Variants in DUS4L observed in about 807,000 individuals in gnomAD.
DUS4L encodes dihydrouridine synthase 4 like, also known as tRNA-dihydrouridine(20a/20b) synthase [NAD(P)+]-like.
In DUS4L, 31 loss-of-function variants were observed where a neutral mutation model predicts 33.8. That is an observed-to-expected ratio of 0.92 (90% CI 0.69 to 1.24). The LOEUF is 1.24. DUS4L is among the 50% of genes most tolerant of loss of function. DUS4L has a pLI of 0.00. For missense variants in DUS4L, 368 were observed against 388.6 expected (o/e 0.95, Z 0.45); for synonymous variants, 103 against 120.3 (o/e 0.86, Z 0.94).
intron 2 of DUS4L, among the ~76,000 whole-genome samples, chr7:107,565,125 T>C (rs1804506972): frequency 1.3e-5 from 2 of 152,200 alleles, no homozygotes; most frequent in South Asian, 4.1e-4. Context: ...TTAGGAATTG[T>C]TTTTCCTTCC....
intron 3 of DUS4L, 79 bp from the exon 4 acceptor site, chr7:107,571,066 T>G: frequency 6.3e-7 from 1 of 1,581,242 alleles, no homozygotes; most frequent in Non-Finnish European, 8.6e-7. Flanking sequence ...TAGAACTTTC[T>G]CTGATAAATA....
rs1280571223 is a variant in DUS4L, at chr7:107,571,221, GT to G, written c.194del (p.Val65AlafsTer4). ...ACCAATGATTGTTGCCGCTGATTTT[GT>G]CAAATCTATAAAAGCCAGAGACAGC... The part of the protein sequence containing the change: ...YTPMIVAADF[V>X]KSIKARDSEF... On this transcript the variant is annotated frameshift_variant, in exon 4 of 8. Transcript: ENST00000265720. LOFTEE classifies it high-confidence loss of function. 2 of 1,612,154 alleles carry G rather than the reference GT, an allele frequency of 1.2e-6. No individual in the cohort carries two copies. The highest frequency in any genetic ancestry group is 2.7e-5 in the African/African-American group (2 of 74,780).
intron 7 of DUS4L, chr7:107,577,049 C>T: frequency 2.0e-5 from 8 of 397,188 alleles, no homozygotes; most frequent in South Asian, 4.6e-5. Flanking sequence ...CCAGATTTAC[C>T]CTAAAGAAAA....
intron 3 of DUS4L, chr7:107,569,974 C>T (rs914536432): frequency 9.2e-5 from 14 of 152,228 alleles, no homozygotes; most frequent in South Asian, 4.1e-4. Flanking sequence ...GACTTCCTTA[C>T]CTTGTTCCTA....
chr7:107,567,656 T>C (rs1444031575), intron 3 of DUS4L: 1 of 305,160 alleles, frequency 3.3e-6, no homozygotes, highest in Non-Finnish European at 6.5e-6. Flanking sequence ...ATACGTAACA[T>C]AAAATTTACC....
rs531363542 is a variant in DUS4L at position 107,575,485 on chromosome 7, A to G, written c.479+175A>G. On this transcript the variant is annotated intron_variant, in intron 6 of 7. Coordinates refer to ENST00000265720, the MANE Select transcript of DUS4L (RefSeq NM_181581.3). ...AGAATATATACCATAATTTTCATTT[A>G]TAGTCCTGAAAAACTTCCTCTTTGT... 400 of 631,110 alleles carry G rather than the reference A, an allele frequency of 6.3e-4. 6 individuals carry two copies. The South Asian group carries it at 0.013, about 20-fold the overall frequency. The allele number at this position is 631,110 out of a possible 1,614,324, so 39.1% of individuals were successfully genotyped here. A position where few individuals can be genotyped will look rare whatever the true frequency, so the allele number is the denominator to read the frequency against.
At chr7:107,571,976 T>C (rs759248233) in intron 4 of DUS4L, among the ~76,000 whole-genome samples, 1 of 152,172 alleles carries the variant, frequency 6.6e-6, no homozygotes, top group Non-Finnish European at 1.5e-5. Context: ...AACTGTAGTT[T>C]ATGTTTCGTC....
chr7:107,577,138 CA>C lies in DUS4L; in HGVS notation c.707-171del, dbSNP rs960102579. On this transcript the variant is annotated intron_variant, in intron 7 of 7. Coordinates refer to ENST00000265720, the MANE Select transcript of DUS4L (RefSeq NM_181581.3). ...CGTACATTTAAACTTTCCTGGTTTACAAAAGGTACCAAAATTAATTCTTTTG... is the reference window on the plus strand; with the variant it reads ...CGTACATTTAAACTTTCCTGGTTTACAAAGGTACCAAAATTAATTCTTTTG... 5.0e-4 allele frequency: 439 copies of C among 878,920 alleles called. 2 individuals carry two copies. The African/African-American group carries it at 6.8e-3, about 14-fold the overall frequency. The allele number at this position is 878,920 out of a possible 1,614,324, so 54.4% of individuals were successfully genotyped here. A position where few individuals can be genotyped will look rare whatever the true frequency, so the allele number is the denominator to read the frequency against.
In DUS4L at chr7:107,571,187, G is replaced by A. The variant is rs117079685; in HGVS notation, c.159G>A (p.Leu53=). The A allele has an allele frequency of 1.2e-3, 1,960 of 1,612,818 alleles. 48 individuals carry two copies. In the East Asian group the frequency reaches 0.04, roughly 33 times the overall value. ...TAGTAAGAAAATATAGTTGTGATCT[G>A]TGTTACACACCAATGATTGTTGCCG... is the stretch of plus-strand genomic sequence containing the variant. The part of the protein sequence containing the change: ...RTLVRKYSCD[L]CYTPMIVAAD... Residue 53 remains leucine, a synonymous_variant, in exon 4 of 8, where the codon CTG becomes CTA. Transcript: ENST00000265720.
rs1366757335 is a variant in DUS4L at position 107,576,759 on chromosome 7, A to C, written c.706+167A>C. On this transcript the variant is annotated intron_variant, in intron 7 of 7. Transcript: ENST00000265720. Reference sequence around the variant, plus strand: ...TAAAATGATGTTAAGTTTTCTACCTAGAAAAACATGGATTATCTTAACTGG... The same window carrying C: ...TAAAATGATGTTAAGTTTTCTACCTCGAAAAACATGGATTATCTTAACTGG... The C allele has an allele frequency of 1.5e-5, 9 of 609,578 alleles. No individual in the cohort carries two copies. The Admixed American group carries it at 1.5e-4, about 10-fold the overall frequency. The allele number at this position is 609,578 out of a possible 1,614,324, so 37.8% of individuals were successfully genotyped here.
At chr7:107,572,648 G>C (rs1260808296) in intron 4 of DUS4L, among the ~76,000 whole-genome samples, 1 of 152,086 alleles carries the variant, frequency 6.6e-6, no homozygotes, top group African/African-American at 2.4e-5. Flanking sequence ...TCAGGAGTTT[G>C]AGACCAGCCT....
At chr7:107,566,606 T>G (rs1185721623) in intron 2 of DUS4L, among the ~76,000 whole-genome samples, 1 of 152,206 alleles carries the variant, frequency 6.6e-6, no homozygotes, top group Non-Finnish European at 1.5e-5. Flanking sequence ...TTTGAAACAC[T>G]GACTACTTAA....
chr7:107,572,231 A>G (rs543436979), intron 4 of DUS4L, among the ~76,000 whole-genome samples: 88 of 152,294 alleles, frequency 5.8e-4, no homozygotes, highest in Non-Finnish European at 1.0e-3. Flanking sequence ...ATATTAGACC[A>G]ATAAATGGTT....
At chr7:107,576,713 G>A in intron 7 of DUS4L, 121 bp downstream of exon 7, 1 of 938,834 alleles carries the variant, frequency 1.1e-6, no homozygotes, top group Non-Finnish European at 1.5e-6. Flanking sequence ...CCATTGTACT[G>A]TTTTAAGCTA....
chr7:107,572,097 T>C (rs1418344703), intron 4 of DUS4L, among the ~76,000 whole-genome samples: 1 of 152,038 alleles, frequency 6.6e-6, no homozygotes, highest in Admixed American at 6.6e-5. Flanking sequence ...AATCACTTAA[T>C]TCTACTGCAT....
chr7:107,577,225 T>A, intron 7 of DUS4L, 88 bp from the exon 8 acceptor site: 1 of 1,533,354 alleles, frequency 6.5e-7, no homozygotes, highest in East Asian at 2.3e-5. Context: ...TAATACTTTT[T>A]AAAAATATAC....
chr7:107,576,201 T>C (rs576310398), intron 6 of DUS4L, among the ~76,000 whole-genome samples, 165 bp from the exon 7 acceptor site: 10 of 152,228 alleles, frequency 6.6e-5, no homozygotes, highest in Non-Finnish European at 1.5e-4. Context: ...TGAGGTCTTG[T>C]GTAGGAACTG....
intron 2 of DUS4L, among the ~76,000 whole-genome samples, chr7:107,565,092 G>A (rs1247423786): frequency 1.3e-5 from 2 of 152,148 alleles, no homozygotes; most frequent in East Asian, 3.8e-4. Context: ...GGGAATAGGG[G>A]TGATTCATTC....
intron 4 of DUS4L, among the ~76,000 whole-genome samples, chr7:107,571,550 C>T (rs1439541779): frequency 6.6e-6 from 1 of 152,168 alleles, no homozygotes; most frequent in Admixed American, 6.5e-5. Flanking sequence ...AAACTATCCT[C>T]CAAGGAGACC....
Sources: gnomAD v4.1 joint callset for allele counts (sites outside exome capture counted in the v4.1 genomes callset) on GRCh38, gnomAD v4.1.1 for gene constraint, MANE v1.5 for transcripts, NCBI Gene and HGNC (gene_info 2026-07-23, HGNC 2026-07-21) for gene names.